Variants in SDK1 observed in about 807,000 individuals in gnomAD.
The protein encoded by SDK1 is sidekick cell adhesion molecule 1.
Under a neutral mutation model 245.5 loss-of-function variants are expected in SDK1, and 157 were observed. The ratio of observed to expected loss-of-function variants is 0.64; its 90% CI spans 0.56 to 0.73. The LOEUF (loss-of-function observed/expected upper bound fraction) is 0.73. Ranked by LOEUF, SDK1 falls within the 30% of genes least tolerant of loss-of-function variation. The probability of loss-of-function intolerance (pLI) is 0.00; values close to 1 mark genes in which losing one functional copy is unlikely to be tolerated. For synonymous variants in SDK1, 1,647 were observed against 1,278.5 expected (o/e 1.29, Z -6.15); for missense variants, 3,583 against 3,002.3 (o/e 1.19, Z -4.52).
intron 30 of SDK1, among the ~76,000 whole-genome samples, chr7:4,153,022 G>C (rs1160471252): frequency 6.6e-6 from 1 of 152,130 alleles, no homozygotes; most frequent in Non-Finnish European, 1.5e-5. Flanking sequence ...TGGAGGTTCT[G>C]GATGTCACTT....
At chr7:4,178,790 T>G (rs1465156778) in intron 35 of SDK1, among the ~76,000 whole-genome samples, 2 of 152,246 alleles carry the variant, frequency 1.3e-5, no homozygotes, top group Non-Finnish European at 2.9e-5. Flanking sequence ...CTTCAGTGAA[T>G]GGTCAAGTCT....
chr7:3,979,608 C>T (rs535755626), intron 13 of SDK1, among the ~76,000 whole-genome samples: 51 of 152,264 alleles, frequency 3.3e-4, no homozygotes, highest in African/African-American at 1.2e-3. Context: ...CTTCATCCCC[C>T]CACTGAGAGA....
At chr7:4,169,550 G>A (rs1017909441) in intron 32 of SDK1, among the ~76,000 whole-genome samples, 2 of 152,152 alleles carry the variant, frequency 1.3e-5, no homozygotes, top group Non-Finnish European at 2.9e-5. Context: ...CAGTGAGCTC[G>A]CCGTCTCTGA....
chr7:3,582,822 T>G (rs1487016554), intron 1 of SDK1, among the ~76,000 whole-genome samples: 1 of 152,098 alleles, frequency 6.6e-6, no homozygotes, highest in Non-Finnish European at 1.5e-5. Context: ...GCCTTTAGTC[T>G]TCCCCAGCAA....
intron 1 of SDK1, among the ~76,000 whole-genome samples, chr7:3,539,000 A>G (rs1778975983): frequency 6.6e-6 from 1 of 152,192 alleles, no homozygotes; most frequent in Non-Finnish European, 1.5e-5. Context: ...CAATGCAGTC[A>G]CTAACTAGTG....
At chr7:4,232,796 A>T (rs1169219641) in intron 40 of SDK1, 1 of 153,294 alleles carries the variant, frequency 6.5e-6, no homozygotes, top group Non-Finnish European at 1.5e-5. Flanking sequence ...CTCACTGATC[A>T]CATTTCTTTT....
intron 1 of SDK1, among the ~76,000 whole-genome samples, chr7:3,530,579 A>G (rs1783308182): frequency 6.6e-6 from 1 of 152,236 alleles, no homozygotes; most frequent in Non-Finnish European, 1.5e-5. Flanking sequence ...GAACAACAGA[A>G]GGAGTAAATA....
intron 5 of SDK1, among the ~76,000 whole-genome samples, chr7:3,839,169 G>A (rs909728671): frequency 2.6e-5 from 4 of 152,050 alleles, no homozygotes; most frequent in Non-Finnish European, 4.4e-5. Flanking sequence ...GTCCTTTCAC[G>A]CTTGCTTTTC....
In SDK1 at chr7:3,426,529, A is replaced by G. The variant is rs931187827; in HGVS notation, c.298+124645A>G. On this transcript the variant is annotated intron_variant, in intron 1 of 44. Coordinates refer to ENST00000404826, the MANE Select transcript of SDK1 (RefSeq NM_152744.4). ...GAAGTTGTTAGGATTAACTGAGCTG[A>G]TACATAGATGTAAAACCCATAGGAC... Among the ~76,000 whole-genome samples, 11 of 152,218 alleles carry G rather than the reference A, an allele frequency of 7.2e-5. No individual in the cohort carries two copies. In the South Asian group the frequency reaches 2.3e-3, roughly 32 times the overall value.
chr7:3,721,480 A>G (rs992250886), intron 4 of SDK1, among the ~76,000 whole-genome samples: 11 of 152,244 alleles, frequency 7.2e-5, no homozygotes, highest in African/African-American at 2.7e-4. Flanking sequence ...ATGAGAGAAC[A>G]TCAAATAATA....
rs773889806 is a variant in SDK1, at chr7:3,627,992, C to G, written c.458+8753C>G. The stretch of plus-strand genomic sequence containing the variant: ...ATCCATTCTCAAGCCATTTCTTTCT[C>G]AAATCTCTCCCTATTCAAAGTTAAG... On this transcript the variant is annotated intron_variant, in intron 2 of 44. Transcript: ENST00000404826. Among the ~76,000 whole-genome samples the G allele has an allele frequency of 4.1e-4, 63 of 152,120 alleles. 1 individual carries two copies. Among genetic ancestry groups the G allele is most frequent in the Non-Finnish European group, 1.9e-4 (13 of 68,030 alleles).
intron 4 of SDK1, among the ~76,000 whole-genome samples, chr7:3,686,469 A>G (rs1416599339): frequency 6.6e-6 from 1 of 152,236 alleles, no homozygotes; most frequent in African/African-American, 2.4e-5. Flanking sequence ...GCAGTAAGAA[A>G]GTATACTCAT....
At chr7:3,684,349 C>T (rs1192536474) in intron 4 of SDK1, among the ~76,000 whole-genome samples, 1 of 152,204 alleles carries the variant, frequency 6.6e-6, no homozygotes, top group Non-Finnish European at 1.5e-5. Flanking sequence ...CCTCCCCTCC[C>T]CCTTCCTGGT....
chr7:3,440,077 A>G (rs1780150886), intron 1 of SDK1, among the ~76,000 whole-genome samples: 1 of 152,128 alleles, frequency 6.6e-6, no homozygotes, highest in South Asian at 2.1e-4. Flanking sequence ...AGTTTCAGTC[A>G]CCTGTGGTCC....
chr7:4,117,588 G>A (rs547373093), intron 25 of SDK1, among the ~76,000 whole-genome samples: 1 of 152,346 alleles, frequency 6.6e-6, no homozygotes, highest in East Asian at 1.9e-4. Flanking sequence ...CTGGGCTGGT[G>A]CCGCAGCTGC....
chr7:4,180,279 G>C (rs368001207), intron 35 of SDK1, among the ~76,000 whole-genome samples: 18 of 141,230 alleles, frequency 1.3e-4, no homozygotes, highest in African/African-American at 4.7e-4. Context: ...CCCAGTACCC[G>C]GCTCTAGCTC....
At chr7:3,424,180 G>A (rs1344482217) in intron 1 of SDK1, among the ~76,000 whole-genome samples, 2 of 152,148 alleles carry the variant, frequency 1.3e-5, no homozygotes, top group Non-Finnish European at 2.9e-5. Flanking sequence ...CCTAAGTGCT[G>A]GGATTATAGG....
chr7:4,186,292 C>A (rs1047104434), intron 35 of SDK1, among the ~76,000 whole-genome samples: 2 of 152,142 alleles, frequency 1.3e-5, no homozygotes, highest in African/African-American at 4.8e-5. Flanking sequence ...GGCCGCCAGC[C>A]CAGCTCCCAG....
intron 1 of SDK1, among the ~76,000 whole-genome samples, chr7:3,462,629 A>C (rs976685087): frequency 6.6e-6 from 1 of 152,128 alleles, no homozygotes; most frequent in Non-Finnish European, 1.5e-5. Context: ...CTATCTACCT[A>C]GTCCAGCTGT....
Sources: gnomAD v4.1 joint callset for allele counts (sites outside exome capture counted in the v4.1 genomes callset) on GRCh38, gnomAD v4.1.1 for gene constraint, MANE v1.5 for transcripts, NCBI Gene and HGNC (gene_info 2026-07-23, HGNC 2026-07-21) for gene names.